JAKMIP1: variants seen among roughly 807,000 people sequenced by gnomAD.
The protein encoded by JAKMIP1 is janus kinase and microtubule-interacting protein 1.
Under a neutral mutation model 113.0 loss-of-function variants are expected in JAKMIP1, and 33 were observed. The observed-to-expected ratio is 0.29, with a 90% CI of 0.22 to 0.39. JAKMIP1 has a LOEUF of 0.39. Among genes scored for constraint, JAKMIP1 ranks in the 10% least tolerant of loss-of-function variants. The pLI, the probability that JAKMIP1 is intolerant of heterozygous loss-of-function variation, is 1.00. For synonymous variants in JAKMIP1, 480 were observed against 459.9 expected, an observed-to-expected ratio of 1.04 and a Z score of -0.56; for missense variants, 813 against 1,080.5, an observed-to-expected ratio of 0.75 and a Z score of 3.47.
intron 1 of JAKMIP1, among the ~76,000 whole-genome samples, chr4:6,170,109 C>G (rs1243463272): frequency 6.7e-6 from 1 of 149,442 alleles, no homozygotes; most frequent in Non-Finnish European, 1.5e-5. Flanking sequence ...CCCATCATTA[C>G]CAACATCATC....
At chr4:6,045,167 G>T (rs1003951157) in intron 16 of JAKMIP1, among the ~76,000 whole-genome samples, 10 of 152,260 alleles carry the variant, frequency 6.6e-5, no homozygotes, top group African/African-American at 2.2e-4. Context: ...TCAGACTATG[G>T]CTCAGACCTA....
At position 6,129,125 on chromosome 4, in the gene JAKMIP1, C is replaced by T. The variant is rs1219332946; in HGVS notation, c.-147-16128G>A. Reference sequence around the variant, plus strand: ...CTGGATGATGAAGACATCACACACCCCACTTTCACTCCGCACTGTGGGGTG... The same window carrying T: ...CTGGATGATGAAGACATCACACACCTCACTTTCACTCCGCACTGTGGGGTG... On this transcript the variant is annotated intron_variant, in intron 1 of 20. Coordinates refer to ENST00000409021, the MANE Select transcript of JAKMIP1 (RefSeq NM_001099433.2). The surrounding 1 kb of genome is among the most constrained non-coding windows in gnomAD (Gnocchi z 5.4). Among the ~76,000 whole-genome samples the T allele has an allele frequency of 6.6e-6, 1 of 152,230 alleles. No homozygotes were observed. Among genetic ancestry groups the T allele is most frequent in the Non-Finnish European group, 1.5e-5 (1 of 68,050 alleles).
In JAKMIP1 at chr4:6,185,354, C is replaced by A. The variant is rs1329427479; in HGVS notation, c.-148+14899G>T. Among the ~76,000 whole-genome samples the A allele has an allele frequency of 6.6e-6, 1 of 152,150 alleles. No individual in the cohort carries two copies. The highest frequency in any genetic ancestry group is 1.5e-5 in the Non-Finnish European group (1 of 68,042). On this transcript the variant is annotated intron_variant, in intron 1 of 20. Transcript: ENST00000409021. The surrounding 1 kb of genome is among the most constrained non-coding windows in gnomAD (Gnocchi z 5.3). ...AATTGCTCCGAGGGCTCATTAAAAG[C>A]CAGACCCCAGGGGCCGGGCACGGTG... is the stretch of plus-strand genomic sequence containing the variant.
chr4:6,198,525 T>C (rs1242660904), intron 1 of JAKMIP1, among the ~76,000 whole-genome samples: 1 of 152,114 alleles, frequency 6.6e-6, no homozygotes. Context: ...ATCTCATGCA[T>C]TGGGTCCACA....
rs1273999376 is a variant in JAKMIP1 at position 6,086,269 on chromosome 4, C to T, written c.625-640G>A. Reference sequence around the variant, plus strand: ...ATTGAAGCCTGGAGTTTCCAAGGCTCGGGCCTCTTCTCACTCTATATCCTC... The same window carrying T: ...ATTGAAGCCTGGAGTTTCCAAGGCTTGGGCCTCTTCTCACTCTATATCCTC... On this transcript the variant is annotated intron_variant, in intron 3 of 20. Transcript: ENST00000409021. This position sits in a 1 kb window ranked among gnomAD's most constrained non-coding sequence, Gnocchi z 4.1. 4.6e-5 allele frequency among the ~76,000 whole-genome samples: 7 copies of T among 152,274 alleles called. No individual in the cohort carries two copies. The East Asian group carries it at 5.8e-4, about 13-fold the overall frequency.
rs768227363 is a variant in JAKMIP1, at chr4:6,112,839, T to C, written c.12A>G (p.Lys4=). Residue 4 remains lysine (K), a synonymous_variant, in exon 2 of 21, where the codon AAA becomes AAG. Transcript: ENST00000409021. MSK[K]GRSKGEKPEM... is the part of the protein sequence containing the mutation. ...CGGGCTTCTCGCCCTTGCTCCGGCC[T>C]TTCTTCGACATGCTTCCCCTTGGGT... 19 of 1,613,864 alleles carry C rather than the reference T, an allele frequency of 1.2e-5. No homozygotes were observed. The highest frequency in any genetic ancestry group is 1.4e-5 in the Non-Finnish European group (17 of 1,179,950).
chr4:6,127,389 A>G (rs1298321135), intron 1 of JAKMIP1, among the ~76,000 whole-genome samples: 1 of 152,218 alleles, frequency 6.6e-6, no homozygotes, highest in Non-Finnish European at 1.5e-5. Flanking sequence ...CCATTCTGGA[A>G]GGAAAGATGG....
intron 3 of JAKMIP1, among the ~76,000 whole-genome samples, chr4:6,105,084 C>A (rs1313414205): frequency 6.6e-6 from 1 of 152,218 alleles, no homozygotes; most frequent in Admixed American, 6.5e-5. Flanking sequence ...GGACTATTTG[C>A]AATTTATATG....
Position 6,061,665 on chromosome 4 carries a change from C to A in JAKMIP1, c.1560+647G>T, listed in dbSNP as rs1353340808. On this transcript the variant is annotated intron_variant, in intron 10 of 20. Coordinates refer to ENST00000409021, the MANE Select transcript of JAKMIP1 (RefSeq NM_001099433.2). This position sits in a 1 kb window ranked among gnomAD's most constrained non-coding sequence, Gnocchi z 5.3. Reference sequence around the variant, plus strand: ...CGGAAGATCGGGTTAATTCCTCCTGCTTCAGGGGGCCAGTGTGGGGGTGAG... The same window carrying A: ...CGGAAGATCGGGTTAATTCCTCCTGATTCAGGGGGCCAGTGTGGGGGTGAG... Among the ~76,000 whole-genome samples, 1 of 148,618 alleles carries A rather than the reference C, an allele frequency of 6.7e-6. No individual in the cohort carries two copies. Among genetic ancestry groups the A allele is most frequent in the Non-Finnish European group, 1.5e-5 (1 of 67,588 alleles).
Position 6,084,967 on chromosome 4 carries a change from TA to T in JAKMIP1, c.835-3del, listed in dbSNP as rs56874913. ...ATCTCGCTCGTCCATATGTTGATCC[TA>T]AAAAAAAAAAAAAAAAAAAAAAAAA... On this transcript the variant is annotated splice_region_variant and splice_polypyrimidine_tract_variant and intron_variant, in intron 4 of 20. Transcript: ENST00000409021. 30,742 of 375,812 alleles carry T rather than the reference TA, an allele frequency of 0.082. 12 individuals are homozygous for T. Among genetic ancestry groups the T allele is most frequent in the African/African-American group, 0.1 (1,818 of 17,814 alleles). The allele number at this position is 375,812 out of a possible 1,614,324, so 23.3% of individuals were successfully genotyped here.
intron 1 of JAKMIP1, among the ~76,000 whole-genome samples, chr4:6,159,124 T>C (rs1722598164): frequency 6.7e-6 from 1 of 150,120 alleles, no homozygotes; most frequent in African/African-American, 2.4e-5. Flanking sequence ...CCACACATAA[T>C]GGTGAAAAAA....
Position 6,081,953 on chromosome 4 carries a change from C to T in JAKMIP1, c.955-198G>A, listed in dbSNP as rs1172603266. 7.9e-5 allele frequency among the ~76,000 whole-genome samples: 12 copies of T among 152,266 alleles called. No homozygotes were observed. The highest frequency in any genetic ancestry group is 3.9e-4 in the Admixed American group (6 of 15,296). On this transcript the variant is annotated intron_variant, in intron 5 of 20. Transcript: ENST00000409021. The surrounding 1 kb of genome is among the most constrained non-coding windows in gnomAD (Gnocchi z 4.6). Reference sequence around the variant, plus strand: ...TTCCTCATCTATCAAATGAGAATCACGGCAGCTCCTGTCTCCTAGGCACAT... The same window carrying T: ...TTCCTCATCTATCAAATGAGAATCATGGCAGCTCCTGTCTCCTAGGCACAT...
chr4:6,110,438 G>T (rs534970624), intron 2 of JAKMIP1, among the ~76,000 whole-genome samples: 2 of 151,450 alleles, frequency 1.3e-5, no homozygotes, highest in Non-Finnish European at 2.9e-5. Context: ...TGTGGGACTT[G>T]GTTACTGCAG....
At position 6,042,320 on chromosome 4, in the gene JAKMIP1, C is replaced by A. The variant is rs1449522065; in HGVS notation, c.2029-93G>T. 1 of 1,005,830 alleles carries A rather than the reference C, an allele frequency of 9.9e-7. No homozygotes were observed. Among genetic ancestry groups the A allele is most frequent in the East Asian group, 2.4e-5 (1 of 41,910 alleles). The allele number at this position is 1,005,830 out of a possible 1,614,324, so 62.3% of individuals were successfully genotyped here. The stretch of plus-strand genomic sequence containing the variant: ...TCACAGGTGTGTGAATTTCATAGAT[C>A]GGCTTCCTCAGAGTGTGCTCAGGAA... On this transcript the variant is annotated intron_variant, in intron 16 of 20. Coordinates refer to ENST00000409021, the MANE Select transcript of JAKMIP1 (RefSeq NM_001099433.2). This position sits in a 1 kb window ranked among gnomAD's most constrained non-coding sequence, Gnocchi z 5.2.
intron 1 of JAKMIP1, among the ~76,000 whole-genome samples, chr4:6,113,732 C>T (rs1046775424): frequency 6.6e-6 from 1 of 152,222 alleles, no homozygotes; most frequent in African/African-American, 2.4e-5. Flanking sequence ...CTCTGCTCTC[C>T]CTTCCCTTCA....
Position 6,105,736 on chromosome 4 carries a change from G to A in JAKMIP1, c.361C>T (p.Arg121Cys), listed in dbSNP as rs774030137. 1.2e-6 allele frequency: 2 copies of A among 1,601,682 alleles called. No individual in the cohort carries two copies. Among genetic ancestry groups the A allele is most frequent in the Non-Finnish European group, 8.5e-7 (1 of 1,177,536 alleles). ...TTGACCTTGTCGGCCGCGCCGTCGC[G>A]CAGCACGTTCAGCGTGGCCTGCAGC... ...QRLQATLNVLRDGAADKVKTA... is the reference protein window; with the variant it reads ...QRLQATLNVLCDGAADKVKTA... The change falls in exon 3 of 21, where the codon CGC (arginine) becomes TGC (cysteine). Residue 121 changes from arginine to cysteine, a missense_variant. Arg to Cys is a radical substitution (Grantham distance 180). Around this residue, in one of 2 missense-constraint regions of JAKMIP1, gnomAD observed 540 missense variants for 653.9 expected, o/e 0.83. Coordinates refer to ENST00000409021, the MANE Select transcript of JAKMIP1 (RefSeq NM_001099433.2).
At chr4:6,159,088 CA>C (rs111279741) in intron 1 of JAKMIP1, among the ~76,000 whole-genome samples, 9,045 of 143,508 alleles carry the variant, frequency 0.063, 635 homozygotes, top group African/African-American at 0.17. Context: ...GATCCTGTCT[CA>C]AAAAAAAAAA....
In JAKMIP1 at chr4:6,061,473, C is replaced by G. The variant is rs978153310; in HGVS notation, c.1560+839G>C. Among the ~76,000 whole-genome samples the G allele has an allele frequency of 2.0e-5, 3 of 152,176 alleles. No homozygotes were observed. Among genetic ancestry groups the G allele is most frequent in the African/African-American group, 7.2e-5 (3 of 41,436 alleles). ...CAGGCAATGCCCCATTCTGGCCCAT[C>G]GCCTTTAAGACTACCAAAATCCATC... On this transcript the variant is annotated intron_variant, in intron 10 of 20. Coordinates refer to ENST00000409021, the MANE Select transcript of JAKMIP1 (RefSeq NM_001099433.2). This position sits in a 1 kb window ranked among gnomAD's most constrained non-coding sequence, Gnocchi z 5.3.
chr4:6,175,199 C>T (rs916461793), intron 1 of JAKMIP1, among the ~76,000 whole-genome samples: 14 of 152,126 alleles, frequency 9.2e-5, no homozygotes, highest in Admixed American at 5.9e-4. Flanking sequence ...TCTCTGGGCC[C>T]GCTGAGGCCC....
Sources: allele counts gnomAD v4.1 joint callset (sites outside exome capture counted in the v4.1 genomes callset), GRCh38; gene constraint gnomAD v4.1.1; regional missense constraint gnomAD v4.1.1; non-coding constraint Gnocchi (gnomAD v3.1); transcripts MANE v1.5; gene names NCBI Gene and HGNC (gene_info 2026-07-23, HGNC 2026-07-21).